The following TMEM17 variants were observed in gnomAD, a reference collection of about 807,000 sequenced individuals.
TMEM17 encodes the protein transmembrane protein 17.
A neutral mutation model predicts 19.1 loss-of-function variants in TMEM17; 15 were observed. That is an observed-to-expected ratio of 0.78 (90% CI 0.52 to 1.21). The LOEUF (loss-of-function observed/expected upper bound fraction) is 1.21. TMEM17 is among the 50% of genes most tolerant of loss of function. TMEM17 has a pLI of 0.00. For synonymous variants in TMEM17, 103 were observed against 86.9 expected (o/e 1.19, Z -1.03); for missense variants, 245 against 242.3 (o/e 1.01, Z -0.07).
At chr2:62,504,218 G>A (rs1210154451) in intron 1 of TMEM17, among the ~76,000 whole-genome samples, 1 of 151,990 alleles carries the variant, frequency 6.6e-6, no homozygotes, top group Non-Finnish European at 1.5e-5. Flanking sequence ...ATCTACTTTT[G>A]CTTGCAACTG....
At chr2:62,458,551 C>T in the TMEM17 span, among the ~76,000 whole-genome samples, 16 of 152,204 alleles carry the variant, frequency 1.1e-4, no homozygotes, top group African/African-American at 2.9e-4. Context: ...ATGGGCAGAG[C>T]GTGACCCATC....
At chr2:62,479,060 C>T in the TMEM17 span, among the ~76,000 whole-genome samples, 1 of 152,178 alleles carries the variant, frequency 6.6e-6, no homozygotes, top group Non-Finnish European at 1.5e-5. Flanking sequence ...TGTATCATTT[C>T]TTCGTGTTGG....
the TMEM17 span, among the ~76,000 whole-genome samples, chr2:62,467,872 T>C: frequency 1.4e-5 from 2 of 146,764 alleles, no homozygotes; most frequent in South Asian, 2.2e-4. Flanking sequence ...CATGTGGGCA[T>C]GCCATCTCTC....
the TMEM17 span, among the ~76,000 whole-genome samples, chr2:62,479,309 A>T: frequency 6.6e-6 from 1 of 152,030 alleles, no homozygotes; most frequent in Non-Finnish European, 1.5e-5. Context: ...ATGAAGGGGG[A>T]CATGCAGGGA....
chr2:62,482,747 A>C, the TMEM17 span, among the ~76,000 whole-genome samples: 11 of 152,216 alleles, frequency 7.2e-5, no homozygotes, highest in Non-Finnish European at 2.9e-5. Flanking sequence ...GAGCACGCTC[A>C]TCTGAAGGGT....
the TMEM17 span, among the ~76,000 whole-genome samples, chr2:62,456,386 A>G: frequency 6.6e-6 from 1 of 152,226 alleles, no homozygotes; most frequent in Non-Finnish European, 1.5e-5. Flanking sequence ...AGCCAGCAGC[A>G]TAGCATTTCC....
At chr2:62,469,362 C>T in the TMEM17 span, among the ~76,000 whole-genome samples, 1 of 152,232 alleles carries the variant, frequency 6.6e-6, no homozygotes, top group Admixed American at 6.5e-5. Flanking sequence ...GAAGTACAAA[C>T]TTTGCTGAGA....
At chr2:62,475,621 C>T in the TMEM17 span, among the ~76,000 whole-genome samples, 226 of 152,340 alleles carry the variant, frequency 1.5e-3, no homozygotes, top group Non-Finnish European at 1.9e-3. Context: ...CCAGAGCTCA[C>T]GTTTCCTTTC....
chr2:62,490,937 G>A, the TMEM17 span, among the ~76,000 whole-genome samples: 592 of 152,008 alleles, frequency 3.9e-3, 3 homozygotes, highest in Admixed American at 5.8e-3. Flanking sequence ...AAATTAGCTG[G>A]GCGCAGTGGT....
the TMEM17 span, among the ~76,000 whole-genome samples, chr2:62,466,438 G>A: frequency 8.5e-5 from 13 of 152,216 alleles, no homozygotes; most frequent in African/African-American, 1.7e-4. Context: ...ATTCAACGTC[G>A]GCTGGGAAGT....
At chr2:62,461,302 A>T in the TMEM17 span, among the ~76,000 whole-genome samples, 1 of 152,134 alleles carries the variant, frequency 6.6e-6, no homozygotes, top group Non-Finnish European at 1.5e-5. Context: ...GGGGTTGGAG[A>T]TGAGTGGGAC....
downstream of TMEM17, among the ~76,000 whole-genome samples, chr2:62,497,775 A>G (rs1423103915): frequency 6.6e-6 from 1 of 152,202 alleles, no homozygotes; most frequent in Non-Finnish European, 1.5e-5. Context: ...TGAATGCTAA[A>G]TGGTGTTGAT....
chr2:62,479,838 G>A, the TMEM17 span, among the ~76,000 whole-genome samples: 3 of 146,396 alleles, frequency 2.0e-5, no homozygotes, highest in African/African-American at 5.1e-5. Flanking sequence ...AGTGAGCTGA[G>A]GTCATGCCAC....
At chr2:62,481,072 A>AT in the TMEM17 span, among the ~76,000 whole-genome samples, 6 of 151,808 alleles carry the variant, frequency 4.0e-5, 1 homozygote, top group African/African-American at 1.5e-4. Flanking sequence ...ATGTCTTTTG[A>AT]TTTTTTATTT....
chr2:62,474,772 T>A, the TMEM17 span, among the ~76,000 whole-genome samples: 1 of 152,138 alleles, frequency 6.6e-6, no homozygotes, highest in Non-Finnish European at 1.5e-5. Flanking sequence ...CAGTCCCAGT[T>A]AAACTGGGGC....
the TMEM17 span, among the ~76,000 whole-genome samples, chr2:62,464,236 G>A: frequency 1.1e-4 from 17 of 152,358 alleles, no homozygotes; most frequent in African/African-American, 3.8e-4. Context: ...AACTTAAGCT[G>A]TCTGTGGACA....
the TMEM17 span, among the ~76,000 whole-genome samples, chr2:62,475,723 T>C: frequency 1.3e-5 from 2 of 152,170 alleles, no homozygotes; most frequent in African/African-American, 4.8e-5. Context: ...TGAATGCCAG[T>C]GTCGGGCTCG....
At chr2:62,463,434 G>T in the TMEM17 span, 3 of 152,222 alleles carry the variant, frequency 2.0e-5, no homozygotes, top group South Asian at 2.1e-4. Flanking sequence ...CTGCAGGCAA[G>T]ATCTGCTGGT....
the TMEM17 span, among the ~76,000 whole-genome samples, chr2:62,466,310 G>T: frequency 6.6e-6 from 1 of 152,126 alleles, no homozygotes; most frequent in African/African-American, 2.4e-5. Flanking sequence ...TCCTGCAGGG[G>T]CCCCTGGAAG....
Sources: allele counts gnomAD v4.1 joint callset (sites outside exome capture counted in the v4.1 genomes callset), GRCh38; gene constraint gnomAD v4.1.1; transcripts MANE v1.5; gene names NCBI Gene and HGNC (gene_info 2026-07-23, HGNC 2026-07-21).